CCBE1: variants seen among roughly 807,000 people sequenced by gnomAD.
CCBE1 encodes collagen and calcium-binding EGF domain-containing protein 1.
Under a neutral mutation model 50.0 loss-of-function variants are expected in CCBE1, and 37 were observed. That is an observed-to-expected ratio of 0.74 (90% CI 0.57 to 0.97). The LOEUF (loss-of-function observed/expected upper bound fraction) is 0.97, where lower values mean the gene tolerates loss of function less well. Ranked by LOEUF, CCBE1 falls within the 50% of genes least tolerant of loss-of-function variation. The pLI is 0.00. For synonymous variants in CCBE1, 234 were observed against 203.7 expected (o/e 1.15, Z -1.27); for missense variants, 538 against 523.8 (o/e 1.03, Z -0.26).
chr18:59,565,323 A>T (rs2052806182), intron 2 of CCBE1, among the ~76,000 whole-genome samples: 1 of 152,252 alleles, frequency 6.6e-6, no homozygotes, highest in African/African-American at 2.4e-5. Context: ...AACCAATGGC[A>T]CAGGACTGGG....
rs113349374 is a variant in CCBE1 at position 59,444,525 on chromosome 18, G to GT, written c.775+3457dup. Reference sequence around the variant, plus strand: ...CTTGTCAATACTTATTTTCTCGGTGGTTTTTTTTTGAGAGGGGGTCTTGCT... The same window carrying GT: ...CTTGTCAATACTTATTTTCTCGGTGGTTTTTTTTTTGAGAGGGGGTCTTGCT... On this transcript the variant is annotated intron_variant, in intron 7 of 10. Transcript: ENST00000439986. Among the ~76,000 whole-genome samples the GT allele has an allele frequency of 3.7e-3, 557 of 150,622 alleles. 1 individual carries two copies. The highest frequency in any genetic ancestry group is 0.012 in the African/African-American group (487 of 40,936).
chr18:59,671,901 G>A (rs962624878), intron 2 of CCBE1, among the ~76,000 whole-genome samples: 1 of 151,916 alleles, frequency 6.6e-6, no homozygotes, highest in African/African-American at 2.4e-5. Flanking sequence ...GCAATAACAA[G>A]AAAGCTGGCA....
intron 2 of CCBE1, among the ~76,000 whole-genome samples, chr18:59,574,607 G>A (rs1351265207): frequency 1.3e-5 from 2 of 152,100 alleles, no homozygotes; most frequent in Non-Finnish European, 2.9e-5. Flanking sequence ...CTCTATTTTT[G>A]AGGAAGAAAG....
chr18:59,514,945 C>T (rs1014597653), intron 2 of CCBE1, among the ~76,000 whole-genome samples: 27 of 152,114 alleles, frequency 1.8e-4, no homozygotes, highest in Admixed American at 1.1e-3. Flanking sequence ...GGCCAGGTTC[C>T]GACACACATG....
chr18:59,461,727 A>ATTTT (rs1352942148), intron 5 of CCBE1, among the ~76,000 whole-genome samples: 1 of 85,066 alleles, frequency 1.2e-5, no homozygotes, highest in African/African-American at 4.5e-5. Context: ...GCCAGGTGTA[A>ATTTT]TCTTTTTTTT....
intron 2 of CCBE1, among the ~76,000 whole-genome samples, chr18:59,660,960 A>G (rs1568260324): frequency 6.6e-6 from 1 of 151,610 alleles, no homozygotes; most frequent in Non-Finnish European, 1.5e-5. Flanking sequence ...TTTGTAAACT[A>G]TTTCTTCCCA....
At chr18:59,536,096 A>T (rs1915236843) in intron 2 of CCBE1, among the ~76,000 whole-genome samples, 1 of 152,348 alleles carries the variant, frequency 6.6e-6, no homozygotes, top group South Asian at 2.1e-4. Flanking sequence ...ATTCTTTAAC[A>T]TTTGTAAAGG....
intron 2 of CCBE1, among the ~76,000 whole-genome samples, chr18:59,484,856 A>C (rs1012389464): frequency 6.6e-6 from 1 of 152,214 alleles, no homozygotes; most frequent in Non-Finnish European, 1.5e-5. Flanking sequence ...AAAATAAATA[A>C]TGACATATTC....
intron 2 of CCBE1, among the ~76,000 whole-genome samples, chr18:59,524,502 T>G (rs1465392656): frequency 2.6e-5 from 4 of 152,206 alleles, no homozygotes; most frequent in African/African-American, 9.6e-5. Flanking sequence ...GAAACAAGAA[T>G]TTTTCAAAAC....
At chr18:59,448,996 T>C (rs1910808369) in intron 6 of CCBE1, among the ~76,000 whole-genome samples, 1 of 151,924 alleles carries the variant, frequency 6.6e-6, no homozygotes, top group East Asian at 1.9e-4. Context: ...CCTCAGTGAG[T>C]GAGGGAAATG....
intron 2 of CCBE1, among the ~76,000 whole-genome samples, chr18:59,627,478 G>T (rs1288813642): frequency 2.6e-5 from 4 of 152,140 alleles, no homozygotes; most frequent in Admixed American, 6.5e-5. Flanking sequence ...CCTACTTCCT[G>T]GTACCGGAGA....
chr18:59,637,594 G>C (rs1346761558), intron 2 of CCBE1, among the ~76,000 whole-genome samples: 2 of 152,116 alleles, frequency 1.3e-5, no homozygotes, highest in Middle Eastern at 3.2e-3. Flanking sequence ...GAATAAACCA[G>C]GCAAACCTCT....
In CCBE1 at chr18:59,592,467, C is replaced by CA. The variant is rs561708305; in HGVS notation, c.212+104161dup. Among the ~76,000 whole-genome samples the CA allele has an allele frequency of 7.8e-3, 1,180 of 152,210 alleles. 15 individuals carry two copies. Among genetic ancestry groups the CA allele is most frequent in the African/African-American group, 0.026 (1,095 of 41,536 alleles). The stretch of plus-strand genomic sequence containing the variant: ...ACAGATTGAATGAACTATGGCATAT[C>CA]AACATAACACAATACTTTGCATCTG... On this transcript the variant is annotated intron_variant, in intron 2 of 10. Coordinates refer to ENST00000439986, the MANE Select transcript of CCBE1 (RefSeq NM_133459.4).
At chr18:59,573,830 T>C (rs747094888) in intron 2 of CCBE1, among the ~76,000 whole-genome samples, 1 of 152,220 alleles carries the variant, frequency 6.6e-6, no homozygotes, top group Non-Finnish European at 1.5e-5. Context: ...ATTTGGTATA[T>C]TAAATGATTC....
chr18:59,548,923 C>A (rs1915811420), intron 2 of CCBE1, among the ~76,000 whole-genome samples: 1 of 151,872 alleles, frequency 6.6e-6, no homozygotes, highest in African/African-American at 2.4e-5. Context: ...GCCAACATGG[C>A]AAAACCCCCT....
intron 2 of CCBE1, among the ~76,000 whole-genome samples, chr18:59,651,695 T>C (rs2054130673): frequency 6.6e-6 from 1 of 152,194 alleles, no homozygotes; most frequent in Admixed American, 6.5e-5. Flanking sequence ...ATGCTCCATC[T>C]ACAAATAAAG....
chr18:59,513,781 G>T (rs1265593033), intron 2 of CCBE1, among the ~76,000 whole-genome samples: 2 of 152,220 alleles, frequency 1.3e-5, no homozygotes, highest in African/African-American at 4.8e-5. Context: ...CCTCATATTA[G>T]AGACATGGAA....
chr18:59,613,984 G>A (rs1031042800), intron 2 of CCBE1, among the ~76,000 whole-genome samples: 14 of 146,876 alleles, frequency 9.5e-5, no homozygotes, highest in Admixed American at 2.9e-4. Context: ...TGCGATTCTC[G>A]TTCTTCAGCC....
At chr18:59,669,781 G>C (rs1291184188) in intron 2 of CCBE1, among the ~76,000 whole-genome samples, 1 of 152,210 alleles carries the variant, frequency 6.6e-6, no homozygotes, top group Non-Finnish European at 1.5e-5. Flanking sequence ...CCTGAACATG[G>C]GGTCAGGCCC....
Sources: allele counts gnomAD v4.1 joint callset (sites outside exome capture counted in the v4.1 genomes callset), GRCh38; gene constraint gnomAD v4.1.1; transcripts MANE v1.5; gene names NCBI Gene and HGNC (gene_info 2026-07-23, HGNC 2026-07-21).